POU2F1: variants seen among roughly 807,000 people sequenced by gnomAD.
The protein encoded by POU2F1 is POU domain, class 2, transcription factor 1.
A neutral mutation model predicts 84.9 loss-of-function variants in POU2F1; 16 were observed. That is an observed-to-expected ratio of 0.19 (90% CI 0.13 to 0.29). The LOEUF (loss-of-function observed/expected upper bound fraction) is 0.29. POU2F1 is among the 10% of genes least tolerant of loss of function. POU2F1 has a pLI of 1.00. For missense variants in POU2F1, 738 were observed against 942.6 expected, an observed-to-expected ratio of 0.78 and a Z score of 2.84; for synonymous variants, 368 against 368.3, an observed-to-expected ratio of 1.00 and a Z score of 0.01.
At position 167,393,235 on chromosome 1, in the gene POU2F1, G is replaced by A. The variant is rs117388452; in HGVS notation, c.988-3051G>A. 2.1e-3 allele frequency among the ~76,000 whole-genome samples: 327 copies of A among 152,232 alleles called. 11 individuals are homozygous for A. In the East Asian group the frequency reaches 0.056, roughly 26 times the overall value. The stretch of plus-strand genomic sequence containing the variant: ...GAGTGATAACCCAAGATGGTTGTGA[G>A]TTGGATTATCACGAAAGAGCATTAA... On this transcript the variant is annotated intron_variant, in intron 9 of 15. Transcript: ENST00000367866.
intron 13 of POU2F1, among the ~76,000 whole-genome samples, chr1:167,408,842 A>G (rs1171823792): frequency 1.3e-5 from 2 of 152,228 alleles, no homozygotes; most frequent in Non-Finnish European, 2.9e-5. Flanking sequence ...AGTCACTCCT[A>G]TATCTTCCTT....
chr1:167,340,313 C>G (rs112271865), intron 2 of POU2F1, among the ~76,000 whole-genome samples: 1,937 of 152,224 alleles, frequency 0.013, 41 homozygotes, highest in African/African-American at 0.045. Context: ...CTCCTGACCT[C>G]AGGTGATCCG....
At chr1:167,372,145 C>G in intron 5 of POU2F1, 109 bp downstream of exon 5, 3 of 1,375,004 alleles carry the variant, frequency 2.2e-6, no homozygotes, top group Non-Finnish European at 3.0e-6. Flanking sequence ...ATGGCTATGC[C>G]TGGCACTATT....
intron 1 of POU2F1, among the ~76,000 whole-genome samples, chr1:167,320,924 T>C (rs1656267097): frequency 1.3e-5 from 2 of 152,226 alleles, no homozygotes. Context: ...GCAGGTCATG[T>C]CCAATTAATG....
chr1:167,322,978 G>C (rs576041908), intron 1 of POU2F1, among the ~76,000 whole-genome samples: 1 of 152,136 alleles, frequency 6.6e-6, no homozygotes, highest in Non-Finnish European at 1.5e-5. Context: ...TTCAGCATGG[G>C]CGTCGTAGCC....
At chr1:167,231,979 T>C (rs1054746906) in intron 1 of POU2F1, among the ~76,000 whole-genome samples, 2 of 152,034 alleles carry the variant, frequency 1.3e-5, no homozygotes, top group Non-Finnish European at 2.9e-5. Flanking sequence ...GTTCCAGGAT[T>C]CCCTACTCGT....
At chr1:167,300,404 C>T (rs1040866053) in intron 1 of POU2F1, among the ~76,000 whole-genome samples, 1 of 152,034 alleles carries the variant, frequency 6.6e-6, no homozygotes, top group Non-Finnish European at 1.5e-5. Context: ...ACATATGTAC[C>T]CTCTGAATCT....
intron 1 of POU2F1, among the ~76,000 whole-genome samples, chr1:167,222,454 G>GC (rs1401134186): frequency 6.6e-6 from 1 of 151,956 alleles, no homozygotes; most frequent in Non-Finnish European, 1.5e-5. Context: ...TTTTACATTC[G>GC]CCCCATGTGC....
chr1:167,265,831 C>T (rs1011300721), intron 1 of POU2F1, among the ~76,000 whole-genome samples: 1 of 152,148 alleles, frequency 6.6e-6, no homozygotes, highest in Non-Finnish European at 1.5e-5. Context: ...AGTCTCCTCC[C>T]CTCTCTGCAA....
At chr1:167,270,838 G>A (rs921228518) in intron 1 of POU2F1, among the ~76,000 whole-genome samples, 2 of 152,104 alleles carry the variant, frequency 1.3e-5, no homozygotes, top group African/African-American at 2.4e-5. Flanking sequence ...TGAATGCTCC[G>A]TCTCCTGCCC....
rs1258861329 is a variant in POU2F1 at position 167,416,811 on chromosome 1, C to T, written c.*1001C>T. 2 of 152,288 alleles carry T rather than the reference C, an allele frequency of 1.3e-5. No individual in the cohort carries two copies. Among genetic ancestry groups the T allele is most frequent in the Admixed American group, 6.5e-5 (1 of 15,290 alleles). The allele number at this position is 152,288 out of a possible 1,614,324, so 9.4% of individuals were successfully genotyped here. On this transcript the variant is annotated 3_prime_UTR_variant, in exon 16 of 16. Coordinates refer to ENST00000367866, the MANE Select transcript of POU2F1 (RefSeq NM_002697.4). ...GGTGCAACAGTGCTGCTTTCTGCTACTTTCAATGGGAACAGCTGTACATGT... is the reference window on the plus strand; with the variant it reads ...GGTGCAACAGTGCTGCTTTCTGCTATTTTCAATGGGAACAGCTGTACATGT...
At chr1:167,281,699 A>G (rs1653153014) in intron 1 of POU2F1, among the ~76,000 whole-genome samples, 1 of 152,194 alleles carries the variant, frequency 6.6e-6, no homozygotes, top group Non-Finnish European at 1.5e-5. Flanking sequence ...TTACACCTCC[A>G]CTTGTTATAG....
rs556703206 is a variant in POU2F1 at position 167,329,317 on chromosome 1, G to C, written c.62-3153G>C. On this transcript the variant is annotated intron_variant, in intron 1 of 15. Coordinates refer to ENST00000367866, the MANE Select transcript of POU2F1 (RefSeq NM_002697.4). Reference sequence around the variant, plus strand: ...GTGACTATGTTCTAGGTGGGTACCAGCACAGTTCTTTTCTTAGAAGCTTTA... The same window carrying C: ...GTGACTATGTTCTAGGTGGGTACCACCACAGTTCTTTTCTTAGAAGCTTTA... 2.0e-5 allele frequency: 31 copies of C among 1,547,616 alleles called. No homozygotes were observed. The African/African-American group carries it at 3.8e-4, about 19-fold the overall frequency.
At chr1:167,255,453 A>G (rs569081926) in intron 1 of POU2F1, among the ~76,000 whole-genome samples, 1 of 152,350 alleles carries the variant, frequency 6.6e-6, no homozygotes, top group South Asian at 2.1e-4. Flanking sequence ...AGTTGGCATG[A>G]TTGAATTACT....
chr1:167,316,152 G>A (rs1166936174), intron 1 of POU2F1, among the ~76,000 whole-genome samples: 1 of 152,170 alleles, frequency 6.6e-6, no homozygotes, highest in Non-Finnish European at 1.5e-5. Context: ...TATCTTGATT[G>A]CAATGATAGT....
At chr1:167,275,188 A>G (rs1347444301) in intron 1 of POU2F1, among the ~76,000 whole-genome samples, 1 of 151,426 alleles carries the variant, frequency 6.6e-6, no homozygotes, top group Non-Finnish European at 1.5e-5. Flanking sequence ...TCATGCCTGG[A>G]TTTGGTTTTT....
chr1:167,243,752 A>C (rs958608819), intron 1 of POU2F1, among the ~76,000 whole-genome samples: 1 of 152,256 alleles, frequency 6.6e-6, no homozygotes, highest in African/African-American at 2.4e-5. Context: ...CTGGGATTAC[A>C]GGCTTGAGCC....
chr1:167,320,830 G>T (rs922837940), intron 1 of POU2F1, among the ~76,000 whole-genome samples: 2 of 152,178 alleles, frequency 1.3e-5, no homozygotes, highest in Non-Finnish European at 1.5e-5. Context: ...AGCCTCCTTT[G>T]TTAATTGCTG....
At chr1:167,294,398 C>T (rs1654146591) in intron 1 of POU2F1, among the ~76,000 whole-genome samples, 1 of 151,704 alleles carries the variant, frequency 6.6e-6, no homozygotes, top group African/African-American at 2.4e-5. Flanking sequence ...GAAGCAAATG[C>T]AACAAAAACA....
Sources: gnomAD v4.1 joint callset for allele counts (sites outside exome capture counted in the v4.1 genomes callset) on GRCh38, gnomAD v4.1.1 for gene constraint, MANE v1.5 for transcripts, NCBI Gene and HGNC (gene_info 2026-07-23, HGNC 2026-07-21) for gene names.